The following LRFN5 variants were observed in gnomAD, a reference collection of about 807,000 sequenced individuals.
The protein encoded by LRFN5 is leucine rich repeat and fibronectin type III domain containing 5.
LRFN5 carries 24 observed loss-of-function variants against 45.6 expected under a neutral mutation model. That is an observed-to-expected ratio of 0.53 (90% CI 0.38 to 0.74). The LOEUF (loss-of-function observed/expected upper bound fraction) is 0.74, where lower values mean the gene tolerates loss of function less well. Among genes scored for constraint, LRFN5 ranks in the 30% least tolerant of loss-of-function variants. LRFN5 has a pLI of 0.00. For missense variants in LRFN5, 776 were observed against 861.5 expected, an observed-to-expected ratio of 0.90 and a Z score of 1.24; for synonymous variants, 340 against 313.8, an observed-to-expected ratio of 1.08 and a Z score of -0.88.
At chr14:41,822,981 G>T (rs1217607969) in intron 2 of LRFN5, among the ~76,000 whole-genome samples, 1 of 150,192 alleles carries the variant, frequency 6.7e-6, no homozygotes, top group Non-Finnish European at 1.5e-5. Context: ...CTCACTTTTG[G>T]TTCCCATATG....
rs114260662 is a variant in LRFN5 at position 41,652,136 on chromosome 14, T to G, written c.-197+43574T>G. 2.1e-3 allele frequency among the ~76,000 whole-genome samples: 313 copies of G among 152,222 alleles called. 1 individual carries two copies. The highest frequency in any genetic ancestry group is 7.2e-3 in the African/African-American group (301 of 41,566). On this transcript the variant is annotated intron_variant, in intron 1 of 5. Transcript: ENST00000298119. ...AAGGAATGAATGACTGATGTATAGA[T>G]AAATGAATTAATTTTTCTAATATTA... is the stretch of plus-strand genomic sequence containing the variant.
chr14:41,674,646 G>A (rs1204606516), intron 1 of LRFN5, among the ~76,000 whole-genome samples: 2 of 149,540 alleles, frequency 1.3e-5, no homozygotes, highest in Admixed American at 6.6e-5. Flanking sequence ...TTGGCCAGGT[G>A]GGGGGCTGAT....
At chr14:41,767,466 TCCATGGCTTTG>T (rs1218496242) in intron 2 of LRFN5, among the ~76,000 whole-genome samples, 1 of 152,194 alleles carries the variant, frequency 6.6e-6, no homozygotes, top group Non-Finnish European at 1.5e-5. Context: ...AAGTGTTGTT[TCCATGGCTTTG>T]ATGTCCAGTG....
chr14:41,676,277 G>A (rs1881625077), intron 1 of LRFN5, among the ~76,000 whole-genome samples: 1 of 152,192 alleles, frequency 6.6e-6, no homozygotes, highest in Admixed American at 6.5e-5. Flanking sequence ...TCCCCTTGTG[G>A]TGCTCACTGC....
intron 1 of LRFN5, among the ~76,000 whole-genome samples, chr14:41,619,475 A>G (rs1888040872): frequency 1.3e-5 from 2 of 152,020 alleles, no homozygotes; most frequent in South Asian, 4.1e-4. Flanking sequence ...GTGAGGGGGT[A>G]CCTGAAAATG....
intron 1 of LRFN5, among the ~76,000 whole-genome samples, chr14:41,717,817 C>A (rs78213328): frequency 0.039 from 6,010 of 152,220 alleles, 384 homozygotes; most frequent in East Asian, 0.28. Context: ...AAAGGGAAGT[C>A]TTTTTCCTGG....
At chr14:41,829,234 G>C (rs1247406443) in intron 2 of LRFN5, among the ~76,000 whole-genome samples, 1 of 151,778 alleles carries the variant, frequency 6.6e-6, no homozygotes, top group Non-Finnish European at 1.5e-5. Context: ...TGTGAACATA[G>C]AACTGATTTT....
chr14:41,846,003 A>G (rs1889048581), intron 2 of LRFN5, among the ~76,000 whole-genome samples: 1 of 152,176 alleles, frequency 6.6e-6, no homozygotes, highest in Admixed American at 6.5e-5. Context: ...ATTTGTAGCC[A>G]TTTCAGAGCC....
chr14:41,623,602 C>T (rs1458158314), intron 1 of LRFN5, among the ~76,000 whole-genome samples: 2 of 152,050 alleles, frequency 1.3e-5, no homozygotes, highest in East Asian at 3.9e-4. Context: ...GTTTTAAGAT[C>T]AGTTTTAAAT....
intron 1 of LRFN5, among the ~76,000 whole-genome samples, chr14:41,632,908 C>T (rs1888599477): frequency 6.6e-6 from 1 of 152,026 alleles, no homozygotes; most frequent in Non-Finnish European, 1.5e-5. Context: ...ATCTCATAAC[C>T]ATTAAATGTA....
intron 1 of LRFN5, among the ~76,000 whole-genome samples, chr14:41,706,911 G>T (rs1284746045): frequency 1.3e-5 from 2 of 152,132 alleles, no homozygotes; most frequent in Non-Finnish European, 2.9e-5. Flanking sequence ...TCCAGTCTGT[G>T]TTCTGTTGTG....
At chr14:41,837,330 C>A (rs1466346116) in intron 2 of LRFN5, among the ~76,000 whole-genome samples, 2 of 152,046 alleles carry the variant, frequency 1.3e-5, no homozygotes, top group African/African-American at 4.8e-5. Flanking sequence ...TTTCCCTGCC[C>A]ACTGCTCTGC....
At chr14:41,879,983 C>T (rs181969869) in intron 2 of LRFN5, among the ~76,000 whole-genome samples, 142 of 128,354 alleles carry the variant, frequency 1.1e-3, no homozygotes, top group African/African-American at 4.2e-3. Context: ...AGTGCAGTGG[C>T]AAGATCTAAT....
chr14:41,765,784 TTTTA>T (rs2138879953), intron 1 of LRFN5, among the ~76,000 whole-genome samples: 1 of 152,332 alleles, frequency 6.6e-6, no homozygotes, highest in Admixed American at 6.5e-5. Context: ...TATAATTTAC[TTTTA>T]TTTAATTGCA....
intron 2 of LRFN5, among the ~76,000 whole-genome samples, chr14:41,844,306 G>A (rs934568029): frequency 6.6e-5 from 10 of 151,616 alleles, no homozygotes; most frequent in Admixed American, 2.6e-4. Context: ...GCGTGGTGGT[G>A]GGCACCTGTA....
chr14:41,841,272 A>G (rs910645715), intron 2 of LRFN5, among the ~76,000 whole-genome samples: 8 of 152,082 alleles, frequency 5.3e-5, no homozygotes, highest in African/African-American at 1.9e-4. Flanking sequence ...AAACCTGAAC[A>G]TGAAAAAGAA....
At chr14:41,635,349 CTG>C (rs1159288067) in intron 1 of LRFN5, among the ~76,000 whole-genome samples, 1 of 152,126 alleles carries the variant, frequency 6.6e-6, no homozygotes, top group Non-Finnish European at 1.5e-5. Context: ...TCACAGGCCT[CTG>C]TGTTGGCTAG....
chr14:41,864,700 A>G (rs1889781517), intron 2 of LRFN5, among the ~76,000 whole-genome samples: 2 of 152,202 alleles, frequency 1.3e-5, no homozygotes, highest in Admixed American at 1.3e-4. Context: ...AACAGTGGGT[A>G]GATAGCCCAT....
chr14:41,881,344 A>C (rs1002735126), intron 2 of LRFN5, among the ~76,000 whole-genome samples: 4 of 151,840 alleles, frequency 2.6e-5, no homozygotes, highest in Non-Finnish European at 4.4e-5. Context: ...TTTCTTTATA[A>C]ATTTTAAATA....
Sources: allele counts gnomAD v4.1 joint callset (sites outside exome capture counted in the v4.1 genomes callset), GRCh38; gene constraint gnomAD v4.1.1; transcripts MANE v1.5; gene names NCBI Gene and HGNC (gene_info 2026-07-23, HGNC 2026-07-21).